The following GULP1 variants were observed in gnomAD, a reference collection of about 807,000 sequenced individuals.
The protein encoded by GULP1 is GULP PTB domain containing engulfment adaptor 1.
A neutral mutation model predicts 40.9 loss-of-function variants in GULP1; 19 were observed. That is an observed-to-expected ratio of 0.46 (90% confidence interval 0.32 to 0.68). The LOEUF is 0.68. Ranked by LOEUF, GULP1 falls within the 30% of genes least tolerant of loss-of-function variation. GULP1 has a pLI of 0.03. For missense variants in GULP1, 312 were observed against 362.2 expected (o/e 0.86, Z 1.12); for synonymous variants, 119 against 117.6 (o/e 1.01, Z -0.08).
chr2:188,406,520 A>G (rs908937613), intron 2 of GULP1, among the ~76,000 whole-genome samples: 2 of 152,200 alleles, frequency 1.3e-5, no homozygotes, highest in Admixed American at 6.5e-5. Context: ...GAGAAGTCAA[A>G]CTAATTTTTA....
intron 11 of GULP1, chr2:188,589,727 T>C: frequency 7.2e-7 from 1 of 1,382,374 alleles, no homozygotes; most frequent in Non-Finnish European, 9.7e-7. Flanking sequence ...TTTACTGCTT[T>C]CATGGTGGGT....
At chr2:188,308,476 G>A (rs572846748) in intron 1 of GULP1, among the ~76,000 whole-genome samples, 1 of 152,056 alleles carries the variant, frequency 6.6e-6, no homozygotes, top group African/African-American at 2.4e-5. Context: ...AAATATATGA[G>A]TGTGTGTTTG....
At chr2:188,317,757 A>G (rs935427275) in intron 1 of GULP1, among the ~76,000 whole-genome samples, 3 of 151,730 alleles carry the variant, frequency 2.0e-5, no homozygotes, top group Non-Finnish European at 2.9e-5. Flanking sequence ...AATATTATAA[A>G]CATGTATTTT....
intron 9 of GULP1, among the ~76,000 whole-genome samples, chr2:188,576,042 C>T (rs1403111862): frequency 1.3e-5 from 2 of 152,038 alleles, no homozygotes; most frequent in African/African-American, 4.8e-5. Context: ...AATGTCCCTT[C>T]AGGTTTTCTC....
intron 2 of GULP1, among the ~76,000 whole-genome samples, chr2:188,408,762 C>G (rs904913244): frequency 2.6e-5 from 4 of 152,120 alleles, no homozygotes; most frequent in South Asian, 4.1e-4. Flanking sequence ...TAGATCATAT[C>G]TTAGATGATG....
At chr2:188,584,193 T>A in intron 9 of GULP1, 72 bp from the exon 10 acceptor site, 1 of 974,994 alleles carries the variant, frequency 1.0e-6, no homozygotes, top group Non-Finnish European at 1.5e-6. Flanking sequence ...ATATTTTATA[T>A]GCATATGAAA....
At chr2:188,332,634 C>G (rs2041761315) in intron 1 of GULP1, among the ~76,000 whole-genome samples, 1 of 152,070 alleles carries the variant, frequency 6.6e-6, no homozygotes, top group African/African-American at 2.4e-5. Flanking sequence ...GCCTGGGAAG[C>G]TCTGGGGTGG....
intron 1 of GULP1, among the ~76,000 whole-genome samples, chr2:188,320,085 T>A (rs1169506415): frequency 6.6e-6 from 1 of 152,080 alleles, no homozygotes; most frequent in East Asian, 1.9e-4. Context: ...TGTCTCTAGA[T>A]GTTGTCAAAT....
intron 1 of GULP1, among the ~76,000 whole-genome samples, chr2:188,315,374 G>C (rs2038906199): frequency 6.6e-6 from 1 of 151,978 alleles, no homozygotes; most frequent in African/African-American, 2.4e-5. Flanking sequence ...TATAAGATTT[G>C]GTGTTATCCT....
intron 2 of GULP1, among the ~76,000 whole-genome samples, chr2:188,394,575 T>G (rs1343007186): frequency 1.3e-5 from 2 of 152,170 alleles, no homozygotes; most frequent in Admixed American, 6.5e-5. Context: ...CTACTGTGAT[T>G]TTTATAGTTG....
At chr2:188,384,988 A>G (rs2049494328) in intron 2 of GULP1, among the ~76,000 whole-genome samples, 1 of 152,088 alleles carries the variant, frequency 6.6e-6, no homozygotes, top group Non-Finnish European at 1.5e-5. Flanking sequence ...AGTCTTTTCC[A>G]GGTGCAGGGT....
chr2:188,378,295 G>GA (rs1366705798), intron 1 of GULP1, among the ~76,000 whole-genome samples: 3 of 141,800 alleles, frequency 2.1e-5, no homozygotes, highest in Admixed American at 7.1e-5. Flanking sequence ...AAAAAAAAAA[G>GA]AAAAAATCTT....
chr2:188,331,299 G>T (rs2041544095), intron 1 of GULP1, among the ~76,000 whole-genome samples: 1 of 152,072 alleles, frequency 6.6e-6, no homozygotes, highest in South Asian at 2.1e-4. Context: ...TATTTGCAGG[G>T]TGCCAGGGGC....
At chr2:188,566,555 G>A (rs1378555417) in intron 7 of GULP1, among the ~76,000 whole-genome samples, 2 of 151,768 alleles carry the variant, frequency 1.3e-5, no homozygotes. Context: ...CGACACTTTG[G>A]GAGGCCAAGG....
At chr2:188,336,407 GA>G (rs1443880449) in intron 1 of GULP1, among the ~76,000 whole-genome samples, 1 of 152,128 alleles carries the variant, frequency 6.6e-6, no homozygotes, top group Non-Finnish European at 1.5e-5. Flanking sequence ...ACATATATTT[GA>G]AAGCCTGCTA....
intron 7 of GULP1, among the ~76,000 whole-genome samples, chr2:188,556,892 C>T (rs190537017): frequency 5.3e-4 from 81 of 152,090 alleles, no homozygotes; most frequent in African/African-American, 1.9e-3. Flanking sequence ...TGTGTGGTGG[C>T]GGGTGCCTGT....
chr2:188,356,266 C>T (rs1158229009), intron 1 of GULP1, among the ~76,000 whole-genome samples: 9 of 151,988 alleles, frequency 5.9e-5, no homozygotes, highest in African/African-American at 1.2e-4. Context: ...TTGCTGATAA[C>T]GTATTCTTAT....
chr2:188,489,947 G>A (rs2062203612), intron 4 of GULP1, among the ~76,000 whole-genome samples: 1 of 152,078 alleles, frequency 6.6e-6, no homozygotes, highest in South Asian at 2.1e-4. Flanking sequence ...GGATTCTTGA[G>A]ATAAACTTTC....
intron 2 of GULP1, among the ~76,000 whole-genome samples, chr2:188,470,491 G>A (rs2060497648): frequency 6.6e-6 from 1 of 152,040 alleles, no homozygotes; most frequent in South Asian, 2.1e-4. Context: ...TAATTTTTAA[G>A]ATGTATCATT....
Sources: allele counts gnomAD v4.1 joint callset (sites outside exome capture counted in the v4.1 genomes callset), GRCh38; gene constraint gnomAD v4.1.1; transcripts MANE v1.5; gene names NCBI Gene and HGNC (gene_info 2026-07-23, HGNC 2026-07-21).